CDH22: variants seen among roughly 807,000 people sequenced by gnomAD.
CDH22 encodes cadherin-22.
Under a neutral mutation model 58.4 loss-of-function variants are expected in CDH22, and 30 were observed. That is an observed-to-expected ratio of 0.51 (90% CI 0.38 to 0.70). The LOEUF (loss-of-function observed/expected upper bound fraction) is 0.70. CDH22 is among the 30% of genes least tolerant of loss of function. The probability of loss-of-function intolerance (pLI) is 0.00; values close to 1 mark genes in which losing one functional copy is unlikely to be tolerated. For synonymous variants in CDH22, 513 were observed against 558.2 expected, an observed-to-expected ratio of 0.92 and a Z score of 1.14; for missense variants, 1,014 against 1,233.9, an observed-to-expected ratio of 0.82 and a Z score of 2.67.
At chr20:46,176,799 G>T (rs6065936) in intron 11 of CDH22, among the ~76,000 whole-genome samples, 49,129 of 152,170 alleles carry the variant, frequency 0.32, 8,125 homozygotes, top group South Asian at 0.4. Context: ...CCGAGGCTGG[G>T]AGCTCTGGAG....
At chr20:46,270,641 TG>T (rs1383417049) in intron 1 of CDH22, among the ~76,000 whole-genome samples, 1 of 152,152 alleles carries the variant, frequency 6.6e-6, no homozygotes, top group Non-Finnish European at 1.5e-5. Context: ...TTGAAGGAAA[TG>T]GAGTTCCCAT....
intron 2 of CDH22, among the ~76,000 whole-genome samples, chr20:46,248,727 G>T (rs933277385): frequency 1.3e-5 from 2 of 152,148 alleles, no homozygotes; most frequent in Non-Finnish European, 2.9e-5. Context: ...CAGGAGAATC[G>T]CTTGAACCTG....
rs539088040 is a variant in CDH22, at chr20:46,240,943, C to T, written c.550+20G>A. The T allele has an allele frequency of 6.2e-7, 1 of 1,601,388 alleles. No individual in the cohort carries two copies. The highest frequency in any genetic ancestry group is 1.1e-5 in the South Asian group (1 of 89,778). On this transcript the variant is annotated intron_variant, in intron 3 of 11. Coordinates refer to ENST00000537909, the MANE Select transcript of CDH22 (RefSeq NM_021248.3). ...GGATCACCTTGATCCCATCCCCCAC[C>T]CCCAGGGCCCACAGCCCACCTGTAG...
At chr20:46,243,705 C>T (rs1294825471) in intron 2 of CDH22, among the ~76,000 whole-genome samples, 1 of 152,096 alleles carries the variant, frequency 6.6e-6, no homozygotes, top group Non-Finnish European at 1.5e-5. Context: ...GATTCTGTTC[C>T]CTTTTGGGGT....
chr20:46,176,398 G>A (rs915126026), intron 11 of CDH22, among the ~76,000 whole-genome samples: 6 of 151,420 alleles, frequency 4.0e-5, no homozygotes, highest in Non-Finnish European at 5.9e-5. Context: ...TCCCCACCCC[G>A]AGTCTCCCCC....
intron 1 of CDH22, among the ~76,000 whole-genome samples, chr20:46,299,751 A>G (rs553367532): frequency 6.6e-6 from 1 of 152,342 alleles, no homozygotes; most frequent in South Asian, 2.1e-4. Context: ...CTTCTCAATA[A>G]TCCTATGAGA....
At chr20:46,186,507 C>T in intron 10 of CDH22, 81 bp downstream of exon 10, 2 of 1,036,104 alleles carry the variant, frequency 1.9e-6, no homozygotes, top group Non-Finnish European at 2.9e-6. Flanking sequence ...GTGGGCGCCT[C>T]CGTCCCTCTG....
In CDH22 at chr20:46,178,020, G is replaced by C. The variant is rs370838347; in HGVS notation, c.1841C>G (p.Thr614Arg). 25 of 1,614,102 alleles carry C rather than the reference G, an allele frequency of 1.5e-5. No homozygotes were observed. The highest frequency in any genetic ancestry group is 2.1e-5 in the Non-Finnish European group (25 of 1,180,010). ...GAGGGAGGCGGCCATGACAAAGGCC[G>C]TGGTGTTGCAGGACTGGATGGTGCC... ...SSGTIQSCNT[T>R]AFVMAASLSP... The change falls in exon 11 of 12, where the codon ACG (threonine) becomes AGG (arginine). Residue 614 changes from threonine (T) to arginine (R), a missense_variant. By Grantham distance (71) the Thr-to-Arg change is moderately conservative. Coordinates refer to ENST00000537909, the MANE Select transcript of CDH22 (RefSeq NM_021248.3).
intron 3 of CDH22, among the ~76,000 whole-genome samples, chr20:46,237,121 G>A (rs1264681850): frequency 1.3e-5 from 2 of 152,168 alleles, no homozygotes; most frequent in African/African-American, 2.4e-5. Context: ...CACATAGCAG[G>A]CACTCAATAA....
At chr20:46,235,957 C>A (rs1447848322) in intron 3 of CDH22, among the ~76,000 whole-genome samples, 4 of 152,296 alleles carry the variant, frequency 2.6e-5, no homozygotes, top group South Asian at 2.1e-4. Context: ...CAATGGCTAC[C>A]AAGTCCTGTG....
At chr20:46,183,998 T>C (rs1252590765) in intron 10 of CDH22, among the ~76,000 whole-genome samples, 2 of 152,180 alleles carry the variant, frequency 1.3e-5, no homozygotes, top group Non-Finnish European at 2.9e-5. Context: ...TCGTTTTCTC[T>C]CATATCCTTT....
At chr20:46,230,472 C>T (rs1474915760) in intron 3 of CDH22, among the ~76,000 whole-genome samples, 2 of 152,174 alleles carry the variant, frequency 1.3e-5, no homozygotes, top group Non-Finnish European at 1.5e-5. Context: ...GAGCTGACTC[C>T]AGCACACCCC....
rs1037709755 is a variant in CDH22, at chr20:46,262,406, C to G, written c.-399-10713G>C. Among the ~76,000 whole-genome samples the G allele has an allele frequency of 4.7e-4, 71 of 152,004 alleles. 1 individual carries two copies. Among genetic ancestry groups the G allele is most frequent in the Admixed American group, 2.6e-4 (4 of 15,272 alleles). On this transcript the variant is annotated intron_variant, in intron 1 of 11. Coordinates refer to ENST00000537909, the MANE Select transcript of CDH22 (RefSeq NM_021248.3). ...GGCTGACCTGGGGCCCCCAGTCTTG[C>G]CCCCCGCCCCAGGCTATATGTCGAA...
chr20:46,302,234 C>A (rs2086655356), intron 1 of CDH22, among the ~76,000 whole-genome samples: 1 of 152,176 alleles, frequency 6.6e-6, no homozygotes, highest in African/African-American at 2.4e-5. Flanking sequence ...GGTTTCTCAG[C>A]CTCCACACTA....
chr20:46,244,339 G>A (rs554731083), intron 2 of CDH22, among the ~76,000 whole-genome samples: 5 of 152,312 alleles, frequency 3.3e-5, no homozygotes, highest in South Asian at 2.1e-4. Context: ...CTGCCTGGGC[G>A]GGAGCTAAGA....
intron 3 of CDH22, among the ~76,000 whole-genome samples, chr20:46,231,598 G>A (rs2145716418): frequency 6.6e-6 from 1 of 152,186 alleles, no homozygotes; most frequent in African/African-American, 2.4e-5. Context: ...ACTCAGGTCT[G>A]CCTAGCCAGC....
At chr20:46,218,551 T>C (rs2086102109) in intron 4 of CDH22, among the ~76,000 whole-genome samples, 1 of 152,110 alleles carries the variant, frequency 6.6e-6, no homozygotes, top group Admixed American at 6.6e-5. Context: ...TAAGAACACA[T>C]ACAAAGTCCC....
chr20:46,288,921 C>T (rs1456031848), intron 1 of CDH22, among the ~76,000 whole-genome samples: 1 of 152,250 alleles, frequency 6.6e-6, no homozygotes, highest in Non-Finnish European at 1.5e-5. Flanking sequence ...AGACTGTTCT[C>T]AGTTATGGTG....
intron 5 of CDH22, 137 bp from the exon 6 acceptor site, chr20:46,213,325 G>GA (rs2086058510): frequency 3.2e-6 from 2 of 626,948 alleles, no homozygotes; most frequent in South Asian, 3.9e-5. Flanking sequence ...AGCTTGGCCA[G>GA]AATGGGGGCT....
Sources: gnomAD v4.1 joint callset for allele counts (sites outside exome capture counted in the v4.1 genomes callset) on GRCh38, gnomAD v4.1.1 for gene constraint, MANE v1.5 for transcripts, NCBI Gene and HGNC (gene_info 2026-07-23, HGNC 2026-07-21) for gene names.